The following TM2D2 variants were observed in gnomAD, a reference collection of about 807,000 sequenced individuals.
TM2D2 encodes TM2 domain containing 2, also known as TM2 domain-containing protein 2.
In TM2D2, 19 loss-of-function variants were observed where a neutral mutation model predicts 23.0. The ratio of observed to expected loss-of-function variants is 0.82; its 90% CI spans 0.58 to 1.21. TM2D2 has a LOEUF of 1.21. Ranked by LOEUF, TM2D2 falls within the 50% of genes most tolerant of loss-of-function variation. The pLI is 0.00. For missense variants in TM2D2, 246 were observed against 265.4 expected (o/e 0.93, Z 0.51); for synonymous variants, 120 against 108.8 (o/e 1.10, Z -0.64).
chr8:38,996,089 G>A, intron 1 of TM2D2, 124 bp downstream of exon 1: 5 of 1,178,830 alleles, frequency 4.2e-6, no homozygotes, highest in Non-Finnish European at 5.9e-6. Context: ...ATTTGCCTCC[G>A]GAACGACCTC....
intron 2 of TM2D2, 85 bp from the exon 3 acceptor site, chr8:38,993,745 G>T: frequency 1.0e-6 from 1 of 997,668 alleles, no homozygotes; most frequent in Non-Finnish European, 1.5e-6. Context: ...ATAACAGAAT[G>T]AAAGCGGCCT....
At position 38,996,248 on chromosome 8, in the gene TM2D2, G is replaced by A. The variant is rs764332895; in HGVS notation, c.192C>T (p.Gly64=). The change falls in exon 1 of 4, where the codon GGC becomes GGT. Residue 64 remains glycine (G), a synonymous_variant. Transcript: ENST00000456397. ...AGAGGATGACCGGAGAGTGGGGGTC[G>A]CCATATTCCCAGCTCGCAGCACCCC... is the stretch of plus-strand genomic sequence containing the variant. ...GPGGAASWEY[G]DPHSPVILCS... 6.2e-6 allele frequency: 10 copies of A among 1,613,778 alleles called. No individual in the cohort carries two copies. The South Asian group carries it at 6.6e-5, about 11-fold the overall frequency.
At position 38,989,661 on chromosome 8, in the gene TM2D2, T is replaced by C. The variant is rs1186748506; in HGVS notation, c.*1671A>G. ...TTAAAGAAAACAACTTTTGGTAGGG[T>C]TATGAATATACTTAGGAGGTTAAAG... is the stretch of plus-strand genomic sequence containing the variant. On this transcript the variant is annotated 3_prime_UTR_variant, in exon 4 of 4. Transcript: ENST00000456397. 6.6e-6 allele frequency: 1 copy of C among 152,190 alleles called. No homozygotes were observed. The highest frequency in any genetic ancestry group is 1.5e-5 in the Non-Finnish European group (1 of 68,038). The allele number at this position is 152,190 out of a possible 1,614,324, so 9.4% of individuals were successfully genotyped here.
chr8:38,989,423 T>G lies in TM2D2; in HGVS notation c.*1909A>C, dbSNP rs1456170408. On this transcript the variant is annotated 3_prime_UTR_variant, in exon 4 of 4. Transcript: ENST00000456397. ...TTCAAGTGATTCTCTTACCTCAGCC[T>G]CCCGAGTAGCTGGGATTACAGGTGC... The G allele has an allele frequency of 6.6e-6, 1 of 152,256 alleles. No individual in the cohort carries two copies. The highest frequency in any genetic ancestry group is 1.5e-5 in the Non-Finnish European group (1 of 68,112). 9.4% of individuals were successfully genotyped at this position (152,256 alleles called of 1,614,324 possible). A position where few individuals can be genotyped will look rare whatever the true frequency, so the allele number is the denominator to read the frequency against.
chr8:38,996,699 G>A, upstream of TM2D2: 3 of 1,421,814 alleles, frequency 2.1e-6, no homozygotes, highest in East Asian at 2.6e-5. Context: ...CTTCTTTTGC[G>A]CCGAATGCGT....
Position 38,989,657 on chromosome 8 carries a change from A to T in TM2D2, c.*1675T>A, listed in dbSNP as rs187282235. ...TTTTTTAAAGAAAACAACTTTTGGT[A>T]GGGTTATGAATATACTTAGGAGGTT... On this transcript the variant is annotated 3_prime_UTR_variant, in exon 4 of 4. Coordinates refer to ENST00000456397, the MANE Select transcript of TM2D2 (RefSeq NM_078473.3). 6.6e-6 allele frequency: 1 copy of T among 152,310 alleles called. No individual in the cohort carries two copies. The highest frequency in any genetic ancestry group is 2.4e-5 in the African/African-American group (1 of 41,558). 9.4% of individuals were successfully genotyped at this position (152,310 alleles called of 1,614,324 possible).
intron 1 of TM2D2, among the ~76,000 whole-genome samples, 160 bp downstream of exon 1, chr8:38,996,053 G>A (rs1198100174): frequency 2.0e-5 from 3 of 152,130 alleles, no homozygotes; most frequent in Non-Finnish European, 1.5e-5. Flanking sequence ...TTCTCTGCAC[G>A]GGCTGTGAGA....
In TM2D2 at chr8:38,990,604, A is replaced by T. The variant is rs565242691; in HGVS notation, c.*728T>A. ...ATTGGACAATTCTGCCAGGAGGAAT[A>T]GCTCAACTCACACATCTGATGCCGC... On this transcript the variant is annotated 3_prime_UTR_variant, in exon 4 of 4. Transcript: ENST00000456397. The T allele has an allele frequency of 6.6e-6, 1 of 152,376 alleles. No homozygotes were observed. The highest frequency in any genetic ancestry group is 6.5e-5 in the Admixed American group (1 of 15,306). The allele number at this position is 152,376 out of a possible 1,614,324, so 9.4% of individuals were successfully genotyped here. A position where few individuals can be genotyped will look rare whatever the true frequency, so the allele number is the denominator to read the frequency against.
chr8:38,996,018 CCT>C (rs1185236691), intron 1 of TM2D2, among the ~76,000 whole-genome samples, 193 bp downstream of exon 1: 9 of 152,210 alleles, frequency 5.9e-5, no homozygotes, highest in Non-Finnish European at 1.0e-4. Flanking sequence ...GATCTCAAAG[CCT>C]CTGTCACTGA....
At chr8:38,991,648 T>A in intron 3 of TM2D2, 103 bp from the exon 4 acceptor site, 1 of 869,868 alleles carries the variant, frequency 1.1e-6, no homozygotes, top group South Asian at 1.6e-5. Flanking sequence ...CAGTGGACCC[T>A]CTGTGGCCTT....
At position 38,993,696 on chromosome 8, in the gene TM2D2, C is replaced by T. The variant is rs778307612; in HGVS notation, c.316-36G>A. ...ACAACCAAGACCAAAACCAACTCAC[C>T]AGAGCAAGTGACACAAACATCTATC... On this transcript the variant is annotated intron_variant, in intron 2 of 3. Transcript: ENST00000456397. 6 of 1,479,760 alleles carry T rather than the reference C, an allele frequency of 4.1e-6. No individual in the cohort carries two copies. The South Asian group carries it at 6.8e-5, about 17-fold the overall frequency. The allele number at this position is 1,479,760 out of a possible 1,614,324, so 91.7% of individuals were successfully genotyped here.
In TM2D2 at chr8:38,993,621, C is replaced by T. The variant is rs760852155; in HGVS notation, c.355G>A (p.Val119Ile). Reference sequence around the variant, plus strand: ...ATTCCATCTAAGGCATGGCACTGGACTGAAGTGTGTTCCACGTCGCTGTAG... The same window carrying T: ...ATTCCATCTAAGGCATGGCACTGGATTGAAGTGTGTTCCACGTCGCTGTAG... ...QAYSDVEHTS[V>I]QCHALDGIEC... Residue 119 changes from valine (V) to isoleucine (I), a missense_variant, in exon 3 of 4, where the codon GTC becomes ATC. Coordinates refer to ENST00000456397, the MANE Select transcript of TM2D2 (RefSeq NM_078473.3). 6.2e-7 allele frequency: 1 copy of T among 1,613,998 alleles called. No homozygotes were observed. Among genetic ancestry groups the T allele is most frequent in the African/African-American group, 1.3e-5 (1 of 75,062 alleles).
At position 38,988,938 on chromosome 8, in the gene TM2D2, C is replaced by G. The variant is rs1264717499; in HGVS notation, c.*2394G>C. The G allele has an allele frequency of 6.6e-6, 1 of 152,202 alleles. No individual in the cohort carries two copies. The highest frequency in any genetic ancestry group is 2.4e-5 in the African/African-American group (1 of 41,452). The allele number at this position is 152,202 out of a possible 1,614,324, so 9.4% of individuals were successfully genotyped here. On this transcript the variant is annotated 3_prime_UTR_variant, in exon 4 of 4. Coordinates refer to ENST00000456397, the MANE Select transcript of TM2D2 (RefSeq NM_078473.3). ...CTATAGCCATAAACTAGATATAACA[C>G]ACACATATACAAATGGATCTGTCTA... is the stretch of plus-strand genomic sequence containing the variant.
At position 38,996,276 on chromosome 8, in the gene TM2D2, G is replaced by C; in HGVS notation, c.164C>G (p.Pro55Arg). The C allele has an allele frequency of 6.2e-7, 1 of 1,614,030 alleles. No individual in the cohort carries two copies. Among genetic ancestry groups the C allele is most frequent in the Non-Finnish European group, 8.5e-7 (1 of 1,180,006 alleles). ...ATATTCCCAGCTCGCAGCACCCCCG[G>C]GGCCCTCCGGCTGGGCGGCGCCAGC... ...TSAGAAQPEGPGGAASWEYGD... is the reference protein window; with the variant it reads ...TSAGAAQPEGRGGAASWEYGD... The change falls in exon 1 of 4, where the codon CCC becomes CGC. Residue 55 changes from proline to arginine, a missense_variant. Transcript: ENST00000456397.
chr8:38,991,994 T>A (rs1300124295), intron 3 of TM2D2, among the ~76,000 whole-genome samples: 1 of 152,102 alleles, frequency 6.6e-6, no homozygotes, highest in African/African-American at 2.4e-5. Flanking sequence ...AGGAATATTA[T>A]TTCCTGGGGT....
At chr8:38,995,610 G>A (rs1835746406) in intron 1 of TM2D2, 3 of 1,463,058 alleles carry the variant, frequency 2.1e-6, no homozygotes, top group Middle Eastern at 1.9e-4. Context: ...TTTTGTTGGA[G>A]AAGGGAGGTG....
chr8:38,996,522 C>T (rs10105311), upstream of TM2D2: 558,580 of 1,562,718 alleles, frequency 0.36, 101,405 homozygotes, highest in Non-Finnish European at 0.38. Context: ...GTGGTCAGGC[C>T]TTTCCGCGTA....
chr8:38,991,320 T>C lies in TM2D2; in HGVS notation c.*12A>G, dbSNP rs1332333044. 1 of 1,611,870 alleles carries C rather than the reference T, an allele frequency of 6.2e-7. No homozygotes were observed. Among genetic ancestry groups the C allele is most frequent in the Admixed American group, 1.7e-5 (1 of 59,862 alleles). On this transcript the variant is annotated 3_prime_UTR_variant, in exon 4 of 4. Coordinates refer to ENST00000456397, the MANE Select transcript of TM2D2 (RefSeq NM_078473.3). ...TTTCACCCGCCTCCCTGGGCCATGA[T>C]GGCAGCTCTTCTTAGTAAACAGTGC...
At chr8:38,995,858 T>C in intron 1 of TM2D2, 1 of 1,099,420 alleles carries the variant, frequency 9.1e-7, no homozygotes, top group Non-Finnish European at 1.2e-6. Flanking sequence ...ACAAGTCATT[T>C]ACTCCATTTA....
Sources: allele counts gnomAD v4.1 joint callset (sites outside exome capture counted in the v4.1 genomes callset), GRCh38; gene constraint gnomAD v4.1.1; transcripts MANE v1.5; gene names NCBI Gene and HGNC (gene_info 2026-07-23, HGNC 2026-07-21).